MATCAP2: variants seen among roughly 807,000 people sequenced by gnomAD.
MATCAP2 encodes putative tyrosine carboxypeptidase MATCAP2.
the MATCAP2 span, among the ~76,000 whole-genome samples, chr7:36,332,641 T>C: frequency 1.9e-4 from 29 of 152,310 alleles, no homozygotes; most frequent in South Asian, 6.0e-3. Flanking sequence ...TTAAAAACCC[T>C]CTTAGGCTGG....
the MATCAP2 span, among the ~76,000 whole-genome samples, chr7:36,352,161 C>A: frequency 2.6e-5 from 4 of 151,756 alleles, no homozygotes; most frequent in African/African-American, 9.7e-5. Flanking sequence ...TTTGGGAGGC[C>A]GAGGTGGGTG....
the MATCAP2 span, chr7:36,366,881 C>G: frequency 2.0e-6 from 3 of 1,473,768 alleles, no homozygotes; most frequent in African/African-American, 4.5e-5. Flanking sequence ...GTCCGCCCCG[C>G]ACCCCCGCCG....
the MATCAP2 span, among the ~76,000 whole-genome samples, chr7:36,372,703 T>A: frequency 1.3e-5 from 2 of 152,186 alleles, no homozygotes. Context: ...TGCATTAACT[T>A]ACTCCTTCCA....
At chr7:36,359,568 G>A in the MATCAP2 span, among the ~76,000 whole-genome samples, 1 of 152,178 alleles carries the variant, frequency 6.6e-6, no homozygotes, top group African/African-American at 2.4e-5. Flanking sequence ...AAAGCTTGCA[G>A]GGGCTAAATG....
chr7:36,358,122 C>A, the MATCAP2 span, among the ~76,000 whole-genome samples: 1 of 151,752 alleles, frequency 6.6e-6, no homozygotes, highest in African/African-American at 2.4e-5. Flanking sequence ...TGCCTGAATC[C>A]GGGAGGCAGA....
the MATCAP2 span, among the ~76,000 whole-genome samples, chr7:36,342,308 T>C: frequency 6.6e-6 from 1 of 151,962 alleles, no homozygotes; most frequent in South Asian, 2.1e-4. Flanking sequence ...GCCTCCCAAG[T>C]AGCTGGGATT....
At chr7:36,337,325 T>C in the MATCAP2 span, among the ~76,000 whole-genome samples, 29 of 152,000 alleles carry the variant, frequency 1.9e-4, no homozygotes, top group African/African-American at 5.8e-4. Flanking sequence ...AACACACATA[T>C]GCAGAATGGA....
At chr7:36,368,518 C>T in the MATCAP2 span, among the ~76,000 whole-genome samples, 2 of 152,286 alleles carry the variant, frequency 1.3e-5, no homozygotes, top group Admixed American at 1.3e-4. Flanking sequence ...CACTTGCTAC[C>T]ACTCTGGTTC....
chr7:36,341,581 A>C, the MATCAP2 span, among the ~76,000 whole-genome samples: 16 of 152,238 alleles, frequency 1.1e-4, no homozygotes, highest in Non-Finnish European at 2.2e-4. Flanking sequence ...TAGACCCTTC[A>C]TGACTGTGAT....
At chr7:36,334,198 G>A in the MATCAP2 span, 10 of 1,498,998 alleles carry the variant, frequency 6.7e-6, no homozygotes, top group African/African-American at 2.8e-5. Flanking sequence ...AAAAAGAAAT[G>A]CCATTCTTGT....
At chr7:36,369,862 A>G in the MATCAP2 span, among the ~76,000 whole-genome samples, 51 of 152,312 alleles carry the variant, frequency 3.3e-4, no homozygotes, top group Middle Eastern at 3.4e-3. Flanking sequence ...AAGAATTCCA[A>G]AAATAAACAA....
At chr7:36,334,348 G>A in the MATCAP2 span, among the ~76,000 whole-genome samples, 1 of 151,724 alleles carries the variant, frequency 6.6e-6, no homozygotes, top group Non-Finnish European at 1.5e-5. Context: ...ACCAGCCTGG[G>A]CAACATGGTG....
the MATCAP2 span, among the ~76,000 whole-genome samples, chr7:36,382,018 C>T: frequency 0.026 from 3,985 of 151,968 alleles, 249 homozygotes; most frequent in East Asian, 0.22. Flanking sequence ...TGTGGCTGGG[C>T]GCTTTGGCTT....
chr7:36,356,392 G>GT, the MATCAP2 span: 1 of 162,614 alleles, frequency 6.1e-6, no homozygotes, highest in African/African-American at 2.4e-5. Flanking sequence ...GCGGGTGCCT[G>GT]TAGTCCCAGC....
At chr7:36,388,660 G>A in the MATCAP2 span, among the ~76,000 whole-genome samples, 1 of 152,196 alleles carries the variant, frequency 6.6e-6, no homozygotes, top group Non-Finnish European at 1.5e-5. Context: ...TTACAATTTG[G>A]AGTACTCTAC....
At chr7:36,379,847 C>CACACACAG in the MATCAP2 span, among the ~76,000 whole-genome samples, 1 of 107,604 alleles carries the variant, frequency 9.3e-6, no homozygotes, top group African/African-American at 3.8e-5. Context: ...CACACACACA[C>CACACACAG]AGAGAGAGAG....
chr7:36,373,322 TGGTA>T, the MATCAP2 span, among the ~76,000 whole-genome samples: 1 of 152,126 alleles, frequency 6.6e-6, no homozygotes, highest in Non-Finnish European at 1.5e-5. Flanking sequence ...GTATGCTAGA[TGGTA>T]GGTAACTTGG....
the MATCAP2 span, among the ~76,000 whole-genome samples, chr7:36,343,224 G>T: frequency 6.7e-6 from 1 of 148,284 alleles, no homozygotes; most frequent in Non-Finnish European, 1.5e-5. Context: ...AGCCAGGCAT[G>T]ATAGCTCAAG....
chr7:36,366,078 A>G, the MATCAP2 span, among the ~76,000 whole-genome samples: 1 of 152,246 alleles, frequency 6.6e-6, no homozygotes, highest in Non-Finnish European at 1.5e-5. Context: ...TCTGGTAGGT[A>G]CTGCATTGCT....
Sources: gnomAD v4.1 joint callset for allele counts (sites outside exome capture counted in the v4.1 genomes callset) on GRCh38, gnomAD v4.1.1 for gene constraint, MANE v1.5 for transcripts, NCBI Gene and HGNC (gene_info 2026-07-23, HGNC 2026-07-21) for gene names.